Variants in SLC9A9 observed in about 807,000 individuals in gnomAD.
The protein encoded by SLC9A9 is solute carrier family 9 member A9.
In SLC9A9, 62 loss-of-function variants were observed where a neutral mutation model predicts 77.8. The ratio of observed to expected loss-of-function variants is 0.80; its 90% CI spans 0.65 to 0.98. SLC9A9 has a LOEUF of 0.98. Among genes scored for constraint, SLC9A9 ranks in the 50% least tolerant of loss-of-function variants. The pLI is 0.00. For synonymous variants in SLC9A9, 320 were observed against 283.5 expected (o/e 1.13, Z -1.29); for missense variants, 775 against 774.9 (o/e 1.00, Z 0.00).
chr3:143,658,651 A>G (rs2108754147), intron 5 of SLC9A9, among the ~76,000 whole-genome samples: 1 of 152,344 alleles, frequency 6.6e-6, no homozygotes, highest in Admixed American at 6.5e-5. Context: ...AAACACTGAC[A>G]ATCCCACCTC....
At chr3:143,428,636 A>T (rs1317795318) in intron 12 of SLC9A9, among the ~76,000 whole-genome samples, 8 of 152,218 alleles carry the variant, frequency 5.3e-5, no homozygotes, top group Admixed American at 5.2e-4. Context: ...CTGCACACCC[A>T]TGTTTTCAGT....
At position 143,332,732 on chromosome 3, in the gene SLC9A9, G is replaced by C. The variant is rs866400819; in HGVS notation, c.1604+30752C>G. Among the ~76,000 whole-genome samples, 197 of 152,266 alleles carry C rather than the reference G, an allele frequency of 1.3e-3. 2 individuals are homozygous for C. Among genetic ancestry groups the C allele is most frequent in the African/African-American group, 4.7e-3 (194 of 41,554 alleles). On this transcript the variant is annotated intron_variant, in intron 14 of 15. Transcript: ENST00000316549. ...AAACATTTATTTATTAGACAGAAGA[G>C]GTTTTATCTCTTTTAATGTATACTT...
rs1382703757 is a variant in SLC9A9, at chr3:143,309,557, G to C, written c.1605-40577C>G. Among the ~76,000 whole-genome samples the C allele has an allele frequency of 2.0e-5, 3 of 152,196 alleles. No individual in the cohort carries two copies. In the South Asian group the frequency reaches 6.2e-4, roughly 32 times the overall value. On this transcript the variant is annotated intron_variant, in intron 14 of 15. Coordinates refer to ENST00000316549, the MANE Select transcript of SLC9A9 (RefSeq NM_173653.4). ...TAGTTTTTATTTAGCAAGGATAAGG[G>C]TTTCCTCTCTTCCTAGTTGAGTGTA...
chr3:143,578,416 A>G (rs2037398535), intron 7 of SLC9A9, among the ~76,000 whole-genome samples, 169 bp downstream of exon 7: 1 of 152,162 alleles, frequency 6.6e-6, no homozygotes, highest in Non-Finnish European at 1.5e-5. Flanking sequence ...GTACCAACCT[A>G]TGCCTCCAGG....
intron 12 of SLC9A9, among the ~76,000 whole-genome samples, chr3:143,455,053 G>A (rs1288438198): frequency 6.6e-6 from 1 of 152,184 alleles, no homozygotes; most frequent in African/African-American, 2.4e-5. Context: ...CATATTTGCA[G>A]TTCCAAGGAT....
At chr3:143,664,020 C>T (rs1478873221) in intron 5 of SLC9A9, among the ~76,000 whole-genome samples, 6 of 151,914 alleles carry the variant, frequency 3.9e-5, no homozygotes, top group African/African-American at 1.2e-4. Flanking sequence ...CCCCGAGACA[C>T]GTAATTGTCA....
intron 6 of SLC9A9, among the ~76,000 whole-genome samples, chr3:143,642,340 T>A (rs2038638313): frequency 6.6e-6 from 1 of 152,192 alleles, no homozygotes; most frequent in African/African-American, 2.4e-5. Flanking sequence ...TGATCTCACA[T>A]TTCACAACAA....
At chr3:143,826,226 T>A (rs1390186270) in intron 2 of SLC9A9, among the ~76,000 whole-genome samples, 1 of 150,966 alleles carries the variant, frequency 6.6e-6, no homozygotes, top group Non-Finnish European at 1.5e-5. Flanking sequence ...ACCACTGTAC[T>A]GCAGCCTGGG....
chr3:143,359,470 A>G (rs1185794995), intron 14 of SLC9A9, among the ~76,000 whole-genome samples: 1 of 152,130 alleles, frequency 6.6e-6, no homozygotes, highest in Non-Finnish European at 1.5e-5. Flanking sequence ...CTCACTGATG[A>G]GTTGAATGAA....
intron 2 of SLC9A9, among the ~76,000 whole-genome samples, chr3:143,814,661 G>T (rs1382735448): frequency 6.6e-6 from 1 of 152,152 alleles, no homozygotes; most frequent in African/African-American, 2.4e-5. Flanking sequence ...CCCAGTCATT[G>T]ACTATGTATC....
intron 2 of SLC9A9, among the ~76,000 whole-genome samples, chr3:143,825,865 A>T (rs2009283535): frequency 6.6e-6 from 1 of 151,964 alleles, no homozygotes. Context: ...CAAATGGCCC[A>T]CTGACCCTTC....
intron 9 of SLC9A9, chr3:143,517,827 CA>C (rs1271689076): frequency 6.2e-7 from 1 of 1,601,138 alleles, no homozygotes. Context: ...GTGAATAAGT[CA>C]ATGGCTTTCT....
At chr3:143,622,160 G>A (rs1435319463) in intron 6 of SLC9A9, among the ~76,000 whole-genome samples, 2 of 152,186 alleles carry the variant, frequency 1.3e-5, no homozygotes, top group Non-Finnish European at 2.9e-5. Flanking sequence ...GAAAGTGATG[G>A]GGAGAATGGA....
intron 14 of SLC9A9, among the ~76,000 whole-genome samples, chr3:143,348,286 C>T (rs1471720943): frequency 3.3e-5 from 5 of 152,324 alleles, no homozygotes; most frequent in African/African-American, 7.2e-5. Flanking sequence ...TGAGCCACTG[C>T]GCCCGGCCCG....
At chr3:143,459,774 G>A (rs2035158347) in intron 12 of SLC9A9, among the ~76,000 whole-genome samples, 1 of 151,968 alleles carries the variant, frequency 6.6e-6, no homozygotes, top group Non-Finnish European at 1.5e-5. Context: ...AAAACTCAGA[G>A]TTTTAATTTT....
chr3:143,733,314 A>C (rs1407679038), intron 4 of SLC9A9, among the ~76,000 whole-genome samples: 1 of 152,160 alleles, frequency 6.6e-6, no homozygotes, highest in Non-Finnish European at 1.5e-5. Flanking sequence ...GCTCAAGTCC[A>C]GATCAGAGGC....
At chr3:143,735,282 A>T (rs1204530116) in intron 4 of SLC9A9, among the ~76,000 whole-genome samples, 1 of 152,224 alleles carries the variant, frequency 6.6e-6, no homozygotes, top group Non-Finnish European at 1.5e-5. Context: ...CAAAGTGAAC[A>T]ATAGACCCCT....
chr3:143,341,142 A>G (rs543013020), intron 14 of SLC9A9, among the ~76,000 whole-genome samples: 13 of 152,310 alleles, frequency 8.5e-5, no homozygotes, highest in South Asian at 4.1e-4. Flanking sequence ...CGCTGGATGT[A>G]TCTCAGGATA....
chr3:143,408,793 A>G (rs1273241733), intron 12 of SLC9A9, among the ~76,000 whole-genome samples: 1 of 152,208 alleles, frequency 6.6e-6, no homozygotes, highest in Non-Finnish European at 1.5e-5. Flanking sequence ...CTAAATTTCC[A>G]AATTGGTACT....
Sources: gnomAD v4.1 joint callset for allele counts (sites outside exome capture counted in the v4.1 genomes callset) on GRCh38, gnomAD v4.1.1 for gene constraint, MANE v1.5 for transcripts, NCBI Gene and HGNC (gene_info 2026-07-23, HGNC 2026-07-21) for gene names.